Variants in BAIAP2 observed in about 807,000 individuals in gnomAD.
BAIAP2 encodes the protein BAR/IMD domain-containing adapter protein 2.
A neutral mutation model predicts 63.0 loss-of-function variants in BAIAP2; 18 were observed. The ratio of observed to expected loss-of-function variants is 0.29; its 90% CI spans 0.20 to 0.42. The LOEUF (loss-of-function observed/expected upper bound fraction) is 0.42. BAIAP2 is among the 10% of genes least tolerant of loss of function. BAIAP2 has a pLI of 1.00. For synonymous variants in BAIAP2, 386 were observed against 307.6 expected (o/e 1.25, Z -2.67); for missense variants, 610 against 734.3 (o/e 0.83, Z 1.96).
At chr17:81,106,296 C>T (rs1041838315) in intron 11 of BAIAP2, 150 bp downstream of exon 11, 55 of 846,040 alleles carry the variant, frequency 6.5e-5, no homozygotes, top group Non-Finnish European at 9.0e-5. Flanking sequence ...GAGAGCTGGA[C>T]GCTTGAGGCC....
intron 1 of BAIAP2, among the ~76,000 whole-genome samples, chr17:81,048,239 C>G (rs906365859): frequency 6.6e-6 from 1 of 151,408 alleles, no homozygotes; most frequent in Non-Finnish European, 1.5e-5. Context: ...CAAAAATTAG[C>G]TGGGTGTGGT....
At chr17:81,038,982 G>A (rs760938724) in intron 1 of BAIAP2, among the ~76,000 whole-genome samples, 4 of 152,248 alleles carry the variant, frequency 2.6e-5, no homozygotes, top group Non-Finnish European at 4.4e-5. Flanking sequence ...ACATGTGTAT[G>A]TGTGTCCGTG....
At chr17:81,052,152 A>T (rs1467724904) in intron 1 of BAIAP2, among the ~76,000 whole-genome samples, 4 of 152,094 alleles carry the variant, frequency 2.6e-5, no homozygotes, top group Admixed American at 2.6e-4. Context: ...CTTTCCCAGG[A>T]ACTCACCATG....
intron 3 of BAIAP2, among the ~76,000 whole-genome samples, chr17:81,059,052 C>T (rs2050102060): frequency 1.3e-5 from 2 of 152,326 alleles, no homozygotes; most frequent in Admixed American, 6.5e-5. Context: ...CTCCAGTTCA[C>T]TCACGACGTC....
chr17:81,117,022 C>T lies in BAIAP2; in HGVS notation c.*1183C>T, dbSNP rs908939205. ...CTCAGAAGGGCAGGGAGGAGGCTGT[C>T]CTGGAGAGGCCTGTAGGTCCATTCT... On this transcript the variant is annotated 3_prime_UTR_variant, in exon 14 of 14. Transcript: ENST00000428708. The T allele has an allele frequency of 6.6e-6, 1 of 152,446 alleles. No individual in the cohort carries two copies. Among genetic ancestry groups the T allele is most frequent in the East Asian group, 1.9e-4 (1 of 5,202 alleles). 9.4% of individuals were successfully genotyped at this position (152,446 alleles called of 1,614,324 possible). A position where few individuals can be genotyped will look rare whatever the true frequency, so the allele number is the denominator to read the frequency against.
chr17:81,083,347 C>G (rs564186211), intron 3 of BAIAP2: 1 of 152,398 alleles, frequency 6.6e-6, no homozygotes, highest in African/African-American at 2.4e-5. Flanking sequence ...AGGAATCACC[C>G]GAGAGTGACC....
Position 81,110,442 on chromosome 17 carries a change from C to CT in BAIAP2, c.1535+1941dup, listed in dbSNP as rs1221031959. The CT allele has an allele frequency of 6.5e-5, 65 of 994,076 alleles. No individual in the cohort carries two copies. In the East Asian group the frequency reaches 1.4e-3, roughly 22 times the overall value. 61.6% of individuals were successfully genotyped at this position (994,076 alleles called of 1,614,324 possible). A position where few individuals can be genotyped will look rare whatever the true frequency, so the allele number is the denominator to read the frequency against. ...ACATATTTTTTTCCTGTTTCCTTTCCTTTTTTTTAAAAAATCTGAATTGTG... is the reference window on the plus strand; with the variant it reads ...ACATATTTTTTTCCTGTTTCCTTTCCTTTTTTTTTAAAAAATCTGAATTGTG... On this transcript the variant is annotated intron_variant, in intron 13 of 13. Transcript: ENST00000428708.
At chr17:81,078,499 A>G (rs1411524429) in intron 3 of BAIAP2, among the ~76,000 whole-genome samples, 27 of 118,930 alleles carry the variant, frequency 2.3e-4, no homozygotes, top group African/African-American at 9.3e-4. Flanking sequence ...TGCAGGTGCC[A>G]TCTCGGAGCT....
chr17:81,112,991 G>T (rs1331594620), intron 13 of BAIAP2, among the ~76,000 whole-genome samples: 1 of 152,202 alleles, frequency 6.6e-6, no homozygotes, highest in East Asian at 1.9e-4. Context: ...AGAGGTGGAG[G>T]TTGCAGTGAG....
At chr17:81,099,009 G>A (rs916184485) in intron 6 of BAIAP2, among the ~76,000 whole-genome samples, 5 of 92,710 alleles carry the variant, frequency 5.4e-5, no homozygotes. Context: ...CCCATCCCAC[G>A]GGGACACCCG....
intron 3 of BAIAP2, among the ~76,000 whole-genome samples, chr17:81,058,568 G>T (rs2050018774): frequency 6.6e-6 from 1 of 152,224 alleles, no homozygotes; most frequent in Non-Finnish European, 1.5e-5. Context: ...TAGCAGGGTG[G>T]TGCTGAGGTT....
At chr17:81,073,498 C>T (rs779859701) in intron 3 of BAIAP2, among the ~76,000 whole-genome samples, 19 of 152,196 alleles carry the variant, frequency 1.2e-4, no homozygotes, top group Admixed American at 6.5e-4. Context: ...CTGAAATCAT[C>T]ATGAAATGCT....
At chr17:81,109,472 G>A (rs2059634368) in intron 13 of BAIAP2, 12 of 986,352 alleles carry the variant, frequency 1.2e-5, no homozygotes, top group South Asian at 4.7e-5. Context: ...TCCGGTGTGC[G>A]CTGTTATCTC....
At chr17:81,081,666 TG>T in intron 3 of BAIAP2, among the ~76,000 whole-genome samples, 1 of 152,314 alleles carries the variant, frequency 6.6e-6, no homozygotes, top group East Asian at 1.9e-4. Context: ...CGAGTGAGCC[TG>T]GGGTAGGGCC....
chr17:81,055,715 G>A (rs2049431057), intron 2 of BAIAP2, among the ~76,000 whole-genome samples: 1 of 151,866 alleles, frequency 6.6e-6, no homozygotes, highest in Non-Finnish European at 1.5e-5. Flanking sequence ...ACAGGTGCCT[G>A]CCACCACGCC....
intron 13 of BAIAP2, among the ~76,000 whole-genome samples, chr17:81,112,041 A>G (rs1302317450): frequency 6.6e-6 from 1 of 152,164 alleles, no homozygotes; most frequent in Non-Finnish European, 1.5e-5. Flanking sequence ...AGGTAGAAAA[A>G]TGCTCCTGAA....
At chr17:81,114,632 T>G (rs746106405) in intron 13 of BAIAP2, among the ~76,000 whole-genome samples, 1 of 152,230 alleles carries the variant, frequency 6.6e-6, no homozygotes. Context: ...ACGTACTTTA[T>G]TCTCTTAAAA....
chr17:81,108,064 G>C (rs978697326), intron 12 of BAIAP2: 22 of 225,962 alleles, frequency 9.7e-5, no homozygotes, highest in African/African-American at 5.0e-4. Flanking sequence ...CTGGGGTCTG[G>C]GTCTGGTCCT....
intron 10 of BAIAP2, 112 bp downstream of exon 10, chr17:81,104,827 C>T (rs901074488): frequency 9.4e-6 from 11 of 1,168,278 alleles, no homozygotes; most frequent in East Asian, 2.6e-5. Context: ...GTGCAGGTTG[C>T]GGGTCCTCGC....
Sources: gnomAD v4.1 joint callset for allele counts (sites outside exome capture counted in the v4.1 genomes callset) on GRCh38, gnomAD v4.1.1 for gene constraint, MANE v1.5 for transcripts, NCBI Gene and HGNC (gene_info 2026-07-23, HGNC 2026-07-21) for gene names.